EML4: variants seen among roughly 807,000 people sequenced by gnomAD.
EML4 encodes the protein EMAP like 4.
A neutral mutation model predicts 129.0 loss-of-function variants in EML4; 72 were observed. The observed-to-expected ratio is 0.56, with a 90% CI of 0.46 to 0.68. EML4 has a LOEUF of 0.68. Ranked by LOEUF, EML4 falls within the 30% of genes least tolerant of loss-of-function variation. The pLI, the probability that EML4 is intolerant of heterozygous loss-of-function variation, is 0.00. For missense variants in EML4, 1,363 were observed against 1,190.6 expected, an observed-to-expected ratio of 1.14 and a Z score of -2.13; for synonymous variants, 532 against 405.0, an observed-to-expected ratio of 1.31 and a Z score of -3.77.
At position 42,330,175 on chromosome 2, in the gene EML4, G is replaced by T; in HGVS notation, c.2914G>T (p.Glu972Ter). The T allele has an allele frequency of 6.2e-7, 1 of 1,612,372 alleles. No homozygotes were observed. Among genetic ancestry groups the T allele is most frequent in the Non-Finnish European group, 8.5e-7 (1 of 1,179,766 alleles). ...GGAGCAGGCCAAAGCCACCCTTCTG[G>T]AGGACCAGCAAGACCCTTCGCCCTC... ...SKEQAKATLLEDQQDPSPSS is the reference protein window; with the variant it reads ...SKEQAKATLL The change falls in exon 23 of 23, where the codon GAG becomes TAG. Residue 972 changes from glutamate (E) to a stop codon, truncating the protein, a stop_gained. Coordinates refer to ENST00000318522, the MANE Select transcript of EML4 (RefSeq NM_019063.5). LOFTEE classifies it high-confidence loss of function.
chr2:42,215,663 G>C (rs959260406), intron 1 of EML4, among the ~76,000 whole-genome samples: 1 of 152,052 alleles, frequency 6.6e-6, no homozygotes, highest in African/African-American at 2.4e-5. Context: ...CTGTTTTCTG[G>C]TGAATTTAAA....
chr2:42,185,786 G>A (rs1479087372), intron 1 of EML4, among the ~76,000 whole-genome samples: 2 of 152,152 alleles, frequency 1.3e-5, no homozygotes, highest in East Asian at 3.8e-4. Flanking sequence ...GTACTGGGGA[G>A]AATGAATTGG....
At chr2:42,202,677 T>C (rs1042176887) in intron 1 of EML4, among the ~76,000 whole-genome samples, 2 of 152,116 alleles carry the variant, frequency 1.3e-5, no homozygotes, top group African/African-American at 2.4e-5. Flanking sequence ...CATGTTCTTT[T>C]GTCTGCTTTT....
At chr2:42,316,196 A>T in intron 18 of EML4, 146 bp downstream of exon 18, 1 of 495,628 alleles carries the variant, frequency 2.0e-6, no homozygotes, top group South Asian at 4.3e-5. Context: ...CATCAAATTA[A>T]ATTCTGCTGC....
At chr2:42,181,450 C>T (rs527371549) in intron 1 of EML4, among the ~76,000 whole-genome samples, 9 of 152,226 alleles carry the variant, frequency 5.9e-5, no homozygotes, top group African/African-American at 1.9e-4. Context: ...AGGCACACGC[C>T]ACTAACACTT....
chr2:42,304,645 T>G, intron 17 of EML4, 94 bp downstream of exon 17: 13 of 940,236 alleles, frequency 1.4e-5, no homozygotes, highest in Non-Finnish European at 2.1e-5. Context: ...AATTAATCTC[T>G]TAAGTGGCAC....
rs185013353 is a variant in EML4 at position 42,227,628 on chromosome 2, T to G, written c.26-17877T>G. ...ACAACACAGGTTTGAACTGTGTGGGTCCACTTATATAAGGATTTTCTGCTG... is the reference window on the plus strand; with the variant it reads ...ACAACACAGGTTTGAACTGTGTGGGGCCACTTATATAAGGATTTTCTGCTG... On this transcript the variant is annotated intron_variant, in intron 1 of 22. Transcript: ENST00000318522. Among the ~76,000 whole-genome samples the G allele has an allele frequency of 5.5e-4, 84 of 152,234 alleles. 2 individuals carry two copies. The highest frequency in any genetic ancestry group is 3.9e-3 in the Admixed American group (59 of 15,288).
At chr2:42,221,468 A>C (rs1673593964) in intron 1 of EML4, among the ~76,000 whole-genome samples, 1 of 137,004 alleles carries the variant, frequency 7.3e-6, no homozygotes, top group African/African-American at 2.7e-5. Context: ...AGAGCGCAGT[A>C]GTGCTATCAT....
chr2:42,306,069 G>T (rs924514019), intron 17 of EML4, among the ~76,000 whole-genome samples: 6 of 152,156 alleles, frequency 3.9e-5, no homozygotes, highest in African/African-American at 1.4e-4. Flanking sequence ...TGAAATCATT[G>T]AATTTTTAGA....
Position 42,256,630 on chromosome 2 carries a change from G to C in EML4, c.338G>C (p.Ser113Thr). 2 of 1,613,038 alleles carry C rather than the reference G, an allele frequency of 1.2e-6. No individual in the cohort carries two copies. Among genetic ancestry groups the C allele is most frequent in the Non-Finnish European group, 1.7e-6 (2 of 1,179,538 alleles). The change falls in exon 3 of 23, where the codon AGT (serine) becomes ACT (threonine). Residue 113 changes from serine (S) to threonine (T), a missense_variant and splice_region_variant. By Grantham distance (58) the Ser-to-Thr change is moderately conservative. Coordinates refer to ENST00000318522, the MANE Select transcript of EML4 (RefSeq NM_019063.5). ...GKETLSSAAKSGTEKKKEKPQ... is the reference protein window; with the variant it reads ...GKETLSSAAKTGTEKKKEKPQ... ...GAAACTCTTTCATCTGCTGCTAAAA[G>C]GTACCCATTTATGAAAGGGGGAAAA...
intron 19 of EML4, among the ~76,000 whole-genome samples, chr2:42,323,375 G>C (rs1212132735): frequency 6.6e-6 from 1 of 152,106 alleles, no homozygotes; most frequent in Non-Finnish European, 1.5e-5. Flanking sequence ...TAGGTCCCCT[G>C]TATGCCTAGC....
intron 3 of EML4, among the ~76,000 whole-genome samples, chr2:42,259,883 C>A (rs1275792167): frequency 6.6e-6 from 1 of 151,736 alleles, no homozygotes; most frequent in Non-Finnish European, 1.5e-5. Flanking sequence ...GCGCCCACCA[C>A]CACACCCAGC....
intron 20 of EML4, 60 bp from the exon 21 acceptor site, chr2:42,326,094 A>C: frequency 6.3e-7 from 1 of 1,590,454 alleles, no homozygotes; most frequent in Non-Finnish European, 8.6e-7. Context: ...ATCAAGATGC[A>C]CTTTCAAATA....
intron 9 of EML4, among the ~76,000 whole-genome samples, chr2:42,285,621 C>G (rs1262530922): frequency 6.9e-6 from 1 of 145,384 alleles, no homozygotes; most frequent in African/African-American, 2.6e-5. Flanking sequence ...TTTTTTGAGA[C>G]GGAGTCTTGC....
chr2:42,259,581 C>G (rs1337079816), intron 3 of EML4, among the ~76,000 whole-genome samples: 1 of 152,020 alleles, frequency 6.6e-6, no homozygotes, highest in African/African-American at 2.4e-5. Flanking sequence ...TGTTGACTGT[C>G]TTTCATAAAA....
At chr2:42,177,698 G>C (rs1045826316) in intron 1 of EML4, among the ~76,000 whole-genome samples, 1 of 152,118 alleles carries the variant, frequency 6.6e-6, no homozygotes, top group Non-Finnish European at 1.5e-5. Context: ...AAATGTTCTA[G>C]ACTTTATTGG....
intron 1 of EML4, among the ~76,000 whole-genome samples, chr2:42,228,460 A>G (rs1307093377): frequency 6.6e-6 from 1 of 152,106 alleles, no homozygotes; most frequent in Non-Finnish European, 1.5e-5. Flanking sequence ...CTAAAACATC[A>G]TGTTCTTAGA....
chr2:42,169,588 G>A lies in EML4; in HGVS notation c.-24G>A, dbSNP rs1159367583. The A allele has an allele frequency of 1.9e-6, 3 of 1,597,702 alleles. No homozygotes were observed. The highest frequency in any genetic ancestry group is 2.6e-6 in the Non-Finnish European group (3 of 1,173,972). On this transcript the variant is annotated 5_prime_UTR_variant, in exon 1 of 23. Transcript: ENST00000318522. ...ATGAAGTGCCCGCCCCTCTAAGCCC[G>A]GAGCCCGGCGCTTTCCCCGCAAGAT...
chr2:42,298,254 G>A (rs1209078367), intron 13 of EML4, among the ~76,000 whole-genome samples: 1 of 152,278 alleles, frequency 6.6e-6, no homozygotes, highest in East Asian at 1.9e-4. Flanking sequence ...GGCACAGAAA[G>A]CCTTCCAAAC....
Sources: allele counts gnomAD v4.1 joint callset (sites outside exome capture counted in the v4.1 genomes callset), GRCh38; gene constraint gnomAD v4.1.1; transcripts MANE v1.5; gene names NCBI Gene and HGNC (gene_info 2026-07-23, HGNC 2026-07-21).